The following PRDM4 variants were observed in gnomAD, a reference collection of about 807,000 sequenced individuals.
PRDM4 encodes the protein PR/SET domain 4, also known as PR domain zinc finger protein 4.
PRDM4 carries 38 observed loss-of-function variants against 62.3 expected under a neutral mutation model. The ratio of observed to expected loss-of-function variants is 0.61; its 90% CI spans 0.47 to 0.80. PRDM4 has a LOEUF of 0.80. Ranked by LOEUF, PRDM4 falls within the 30% of genes least tolerant of loss-of-function variation. The pLI, the probability that PRDM4 is intolerant of heterozygous loss-of-function variation, is 0.00. For missense variants in PRDM4, 858 were observed against 997.1 expected (o/e 0.86, Z 1.88); for synonymous variants, 339 against 348.2 (o/e 0.97, Z 0.30).
At chr12:107,741,295 CT>C in intron 9 of PRDM4, 35 bp from the exon 10 acceptor site, 1 of 1,550,080 alleles carries the variant, frequency 6.5e-7, no homozygotes, top group Non-Finnish European at 8.8e-7. Context: ...TCTCCCAATA[CT>C]TGAATCTTAA....
rs553464967 is a variant in PRDM4 at position 107,734,598 on chromosome 12, C to T, written c.2094-76G>A. The T allele has an allele frequency of 2.6e-5, 37 of 1,400,786 alleles. 1 individual carries two copies. The East Asian group carries it at 4.1e-4, about 16-fold the overall frequency. The allele number at this position is 1,400,786 out of a possible 1,614,324, so 86.8% of individuals were successfully genotyped here. On this transcript the variant is annotated intron_variant, in intron 11 of 11. Transcript: ENST00000228437. ...TGAGGCAACACTTATTCTTCATAGC[C>T]GCAGGCCTTTGTCAGAGCAGCTCTA...
chr12:107,751,232 T>A (rs11833306), intron 5 of PRDM4, among the ~76,000 whole-genome samples, 183 bp downstream of exon 5: 7,960 of 152,308 alleles, frequency 0.052, 704 homozygotes, highest in African/African-American at 0.18. Context: ...TGTATGTATA[T>A]CATTTGGCTT....
intron 5 of PRDM4, among the ~76,000 whole-genome samples, chr12:107,750,360 C>T (rs990762677): frequency 6.6e-6 from 1 of 152,072 alleles, no homozygotes; most frequent in Admixed American, 6.5e-5. Flanking sequence ...CAAGGCAACA[C>T]AGTGAGACCC....
intron 3 of PRDM4, among the ~76,000 whole-genome samples, chr12:107,756,121 G>T (rs193265550): frequency 1.3e-5 from 2 of 151,700 alleles, no homozygotes; most frequent in East Asian, 3.9e-4. Flanking sequence ...TGAGCCAGGT[G>T]TAGGGGTGCA....
intron 6 of PRDM4, among the ~76,000 whole-genome samples, chr12:107,745,000 C>T (rs1022194053): frequency 6.6e-6 from 1 of 152,238 alleles, no homozygotes; most frequent in South Asian, 2.1e-4. Flanking sequence ...GCGGAGGTTG[C>T]AGTGAGCAGA....
intron 4 of PRDM4, among the ~76,000 whole-genome samples, chr12:107,752,889 T>C (rs538710042): frequency 5.9e-5 from 9 of 152,250 alleles, no homozygotes; most frequent in African/African-American, 1.9e-4. Flanking sequence ...GTTACAATGG[T>C]AATAAAAACT....
chr12:107,752,263 T>C (rs1890920079), intron 4 of PRDM4, 54 bp from the exon 5 acceptor site: 3 of 1,307,466 alleles, frequency 2.3e-6, no homozygotes, highest in African/African-American at 2.9e-5. Flanking sequence ...TATTAAAGAA[T>C]TCCAAGCACT....
chr12:107,756,082 C>T (rs542187505), intron 3 of PRDM4, among the ~76,000 whole-genome samples: 11 of 150,174 alleles, frequency 7.3e-5, no homozygotes, highest in African/African-American at 2.5e-4. Context: ...AAGAGCGAAA[C>T]TCCATCTCAA....
At chr12:107,740,882 G>A (rs2136312562) in intron 10 of PRDM4, 64 bp downstream of exon 10, 2 of 1,496,618 alleles carry the variant, frequency 1.3e-6, no homozygotes, top group East Asian at 2.3e-5. Flanking sequence ...CCTCTACAAA[G>A]CCTTTACTAC....
rs1210132535 is a variant in PRDM4, at chr12:107,739,495, G to C, written c.1981C>G (p.Leu661Val). The C allele has an allele frequency of 2.5e-6, 4 of 1,613,972 alleles. No homozygotes were observed. The Admixed American group carries it at 5.0e-5, about 20-fold the overall frequency. ...CDKSFTQKAH[L>V]ESHMVIHTGE... is the part of the protein sequence containing the mutation. ...GTGTGGATAACCATGTGGGACTCCA[G>C]GTGAGCCTTCTGGGTGAAAGACTTG... Residue 661 changes from leucine (L) to valine (V), a missense_variant, in exon 11 of 12, where the codon CTG becomes GTG. By Grantham distance (32) the Leu-to-Val change is conservative. Transcript: ENST00000228437.
intron 3 of PRDM4, among the ~76,000 whole-genome samples, chr12:107,755,220 A>T (rs1593176177): frequency 6.6e-6 from 1 of 151,694 alleles, no homozygotes; most frequent in African/African-American, 2.4e-5. Flanking sequence ...TGTAGCTCCT[A>T]CGTAGCTGGG....
intron 5 of PRDM4, among the ~76,000 whole-genome samples, chr12:107,747,779 C>G (rs1176765689): frequency 2.6e-5 from 4 of 152,088 alleles, no homozygotes; most frequent in South Asian, 2.1e-4. Flanking sequence ...AACCTTAGAA[C>G]CACAGTCATC....
chr12:107,758,455 G>T (rs1891131882), intron 2 of PRDM4: 1 of 151,906 alleles, frequency 6.6e-6, no homozygotes, highest in East Asian at 1.9e-4. Context: ...TCCCTATGTT[G>T]CCCAGGCTGG....
chr12:107,752,918 A>G (rs549283976), intron 4 of PRDM4, among the ~76,000 whole-genome samples: 3 of 152,374 alleles, frequency 2.0e-5, no homozygotes, highest in South Asian at 4.1e-4. Flanking sequence ...CAAACTGTCC[A>G]ACAATAAAGA....
rs1232151463 is a variant in PRDM4 at position 107,751,464 on chromosome 12, C to T, written c.1077G>A (p.Met359Ile). ...TCTCCTTGTTTGAATTGGAGTCTTC[C>T]ATTTGCAGTGAAGGTGATACAAAAG... ...SLSFVSPSLQ[M>I]EDSNSNKENM... Residue 359 changes from methionine to isoleucine, a missense_variant, in exon 5 of 12, where the codon ATG becomes ATA. Transcript: ENST00000228437. The T allele has an allele frequency of 1.1e-5, 18 of 1,613,046 alleles. No homozygotes were observed. Among genetic ancestry groups the T allele is most frequent in the Admixed American group, 1.7e-5 (1 of 59,986 alleles).
intron 9 of PRDM4, among the ~76,000 whole-genome samples, chr12:107,741,680 T>C (rs1890524262): frequency 6.6e-6 from 1 of 152,216 alleles, no homozygotes; most frequent in Admixed American, 6.5e-5. Context: ...ACTGCACCAC[T>C]ACACTCCAGC....
intron 2 of PRDM4, among the ~76,000 whole-genome samples, chr12:107,758,945 C>G (rs976213153): frequency 6.6e-6 from 1 of 152,186 alleles, no homozygotes; most frequent in Admixed American, 6.5e-5. Flanking sequence ...TTATGAAGAA[C>G]AGCATGCTAA....
intron 5 of PRDM4, among the ~76,000 whole-genome samples, chr12:107,746,915 C>T (rs1176252324): frequency 2.0e-5 from 3 of 152,214 alleles, no homozygotes; most frequent in Non-Finnish European, 2.9e-5. Context: ...ACTCTTCAGA[C>T]TTCAGTAAGA....
intron 5 of PRDM4, among the ~76,000 whole-genome samples, chr12:107,750,334 C>T (rs74611108): frequency 0.023 from 3,524 of 152,106 alleles, 144 homozygotes; most frequent in African/African-American, 0.08. Context: ...TTGCTTGAGT[C>T]GAGTTCAAGA....
Sources: allele counts gnomAD v4.1 joint callset (sites outside exome capture counted in the v4.1 genomes callset), GRCh38; gene constraint gnomAD v4.1.1; transcripts MANE v1.5; gene names NCBI Gene and HGNC (gene_info 2026-07-23, HGNC 2026-07-21).